The following GDPD5 variants were observed in gnomAD, a reference collection of about 807,000 sequenced individuals.
GDPD5 encodes glycerophosphodiester phosphodiesterase domain containing 5, also known as glycerophosphodiester phosphodiesterase 2.
A neutral mutation model predicts 75.1 loss-of-function variants in GDPD5; 48 were observed. The observed-to-expected ratio is 0.64, with a 90% CI of 0.51 to 0.81. GDPD5 has a LOEUF of 0.81. GDPD5 is among the 40% of genes least tolerant of loss of function. The pLI, the probability that GDPD5 is intolerant of heterozygous loss-of-function variation, is 0.00. For synonymous variants in GDPD5, 336 were observed against 339.0 expected, an observed-to-expected ratio of 0.99 and a Z score of 0.10; for missense variants, 706 against 822.6, an observed-to-expected ratio of 0.86 and a Z score of 1.73.
Position 75,443,283 on chromosome 11 carries a change from C to T in GDPD5, c.801G>A (p.Leu267=). The change falls in exon 11 of 17, where the codon CTG becomes CTA. Residue 267 remains leucine (L), a synonymous_variant. Transcript: ENST00000336898. ...CATGCATGAGGAAGGGCACGCCGTCCAGGCTGCAGGGAGGGTGGGGCCACC... is the reference window on the plus strand; with the variant it reads ...CATGCATGAGGAAGGGCACGCCGTCTAGGCTGCAGGGAGGGTGGGGCCACC... ...YGLQADITIS[L]DGVPFLMHDT... 1 of 1,606,820 alleles carries T rather than the reference C, an allele frequency of 6.2e-7. No homozygotes were observed. Among genetic ancestry groups the T allele is most frequent in the Non-Finnish European group, 8.5e-7 (1 of 1,177,756 alleles).
intron 3 of GDPD5, among the ~76,000 whole-genome samples, chr11:75,465,693 G>A (rs952593893): frequency 5.3e-5 from 8 of 152,208 alleles, no homozygotes; most frequent in African/African-American, 1.2e-4. Flanking sequence ...TAGAGCCCAC[G>A]CTGGCAGTGT....
intron 2 of GDPD5, among the ~76,000 whole-genome samples, chr11:75,483,440 T>C (rs499613): frequency 0.69 from 104,800 of 151,990 alleles, 36,704 homozygotes; most frequent in East Asian, 0.96. Flanking sequence ...CGGGACGCAC[T>C]GGCCTGCTCC....
intron 2 of GDPD5, among the ~76,000 whole-genome samples, chr11:75,486,812 G>C (rs1167820616): frequency 6.6e-6 from 1 of 152,140 alleles, no homozygotes; most frequent in African/African-American, 2.4e-5. Flanking sequence ...CCAGGAGATG[G>C]TGAGATCTAT....
At chr11:75,440,097 G>T (rs1002323781) in intron 14 of GDPD5, 136 bp from the exon 15 acceptor site, 1 of 639,430 alleles carries the variant, frequency 1.6e-6, no homozygotes, top group Non-Finnish European at 2.7e-6. Context: ...AGGGTCTGGG[G>T]GCTGAAGATG....
chr11:75,443,772 A>G (rs1303659083), intron 10 of GDPD5, among the ~76,000 whole-genome samples: 3 of 152,194 alleles, frequency 2.0e-5, no homozygotes, highest in Non-Finnish European at 2.9e-5. Context: ...AGGGTTGCAA[A>G]TAGCTCATAT....
chr11:75,471,907 T>C (rs1482442403), intron 3 of GDPD5, among the ~76,000 whole-genome samples: 1 of 152,106 alleles, frequency 6.6e-6, no homozygotes. Context: ...TGTAATAATA[T>C]CATCTCCTAG....
chr11:75,473,292 T>C (rs1213010300), intron 3 of GDPD5, among the ~76,000 whole-genome samples: 1 of 152,038 alleles, frequency 6.6e-6, no homozygotes, highest in Non-Finnish European at 1.5e-5. Context: ...TGGACTCTAC[T>C]GAGAACGCTG....
At chr11:75,482,392 C>T (rs1949937600) in intron 2 of GDPD5, among the ~76,000 whole-genome samples, 1 of 152,162 alleles carries the variant, frequency 6.6e-6, no homozygotes, top group African/African-American at 2.4e-5. Context: ...CCAGGTGCTG[C>T]CAAGGCCACC....
chr11:75,482,767 G>A lies in GDPD5; in HGVS notation c.-60-4972C>T, dbSNP rs1008819208. Among the ~76,000 whole-genome samples the A allele has an allele frequency of 2.0e-5, 3 of 152,160 alleles. No individual in the cohort carries two copies. The East Asian group carries it at 5.8e-4, about 29-fold the overall frequency. On this transcript the variant is annotated intron_variant, in intron 2 of 16. Transcript: ENST00000336898. ...GATGTTCCCTCCTCCATGGAGGCCC[G>A]GTTTGGTTAGAGGTCTCCCCAGCCT...
rs1948641310 is a variant in GDPD5, at chr11:75,436,959, A to T, written c.1646T>A (p.Met549Lys). The T allele has an allele frequency of 6.2e-7, 1 of 1,613,608 alleles. No homozygotes were observed. The highest frequency in any genetic ancestry group is 8.5e-7 in the Non-Finnish European group (1 of 1,179,976). ...ACCTGAGAAAATAAGCTTCTCCTTCATGATGCTGACGTCCCGGCTGGTCCG... is the reference window on the plus strand; with the variant it reads ...ACCTGAGAAAATAAGCTTCTCCTTCTTGATGCTGACGTCCCGGCTGGTCCG... ...VRRTSRDVSI[M>K]KEKLIFSEIS... Residue 549 changes from methionine (M) to lysine (K), a missense_variant, in exon 16 of 17, where the codon ATG becomes AAG. Physicochemically the swap from Met to Lys is moderately conservative, Grantham distance 95 (BLOSUM62 -1). Transcript: ENST00000336898.
intron 1 of GDPD5, among the ~76,000 whole-genome samples, chr11:75,519,746 GC>G (rs1183320381): frequency 2.6e-5 from 4 of 152,192 alleles, no homozygotes; most frequent in African/African-American, 9.7e-5. Context: ...GATGGGACCG[GC>G]CCCTGCCTCA....
At chr11:75,466,742 G>A (rs555628615) in intron 3 of GDPD5, among the ~76,000 whole-genome samples, 83 of 152,300 alleles carry the variant, frequency 5.4e-4, no homozygotes, top group African/African-American at 1.8e-3. Flanking sequence ...ATATTATGAC[G>A]ATTTGCTGGC....
At chr11:75,457,191 T>C (rs1949303167) in intron 5 of GDPD5, among the ~76,000 whole-genome samples, 1 of 152,198 alleles carries the variant, frequency 6.6e-6, no homozygotes, top group Admixed American at 6.5e-5. Context: ...GCATGGGGGA[T>C]CCACCTGCAT....
intron 3 of GDPD5, among the ~76,000 whole-genome samples, chr11:75,468,669 CT>C (rs1413614233): frequency 1.3e-5 from 2 of 151,842 alleles, no homozygotes; most frequent in Admixed American, 6.6e-5. Context: ...AGTTACTGCC[CT>C]CCCCCGACGC....
At position 75,435,574 on chromosome 11, in the gene GDPD5, G is replaced by A. The variant is rs1565175143; in HGVS notation, c.1751C>T (p.Ala584Val). 6.2e-7 allele frequency: 1 copy of A among 1,613,570 alleles called. No individual in the cohort carries two copies. Among genetic ancestry groups the A allele is most frequent in the Non-Finnish European group, 8.5e-7 (1 of 1,179,794 alleles). ...ACCCCCTCGGGGGCCCACAGGGGTG[G>A]CGGTGCTGTTGGCATATGTGTCATA... Reference protein sequence around the residue: ...NSYDTYANSTATPVGPRGGGS... With the variant: ...NSYDTYANSTVTPVGPRGGGS... The change falls in exon 17 of 17, where the codon GCC becomes GTC. Residue 584 changes from alanine to valine, a missense_variant. By Grantham distance (64) the Ala-to-Val change is moderately conservative. Transcript: ENST00000336898.
chr11:75,443,421 C>A, intron 10 of GDPD5, 135 bp from the exon 11 acceptor site: 1 of 1,015,342 alleles, frequency 9.8e-7, no homozygotes, highest in Non-Finnish European at 1.4e-6. Context: ...GGGCCTCAGT[C>A]TCCCCATCTG....
In GDPD5 at chr11:75,458,783, C is replaced by T. The variant is rs1949349160; in HGVS notation, c.222-997G>A. Among the ~76,000 whole-genome samples the T allele has an allele frequency of 6.6e-5, 10 of 152,178 alleles. No homozygotes were observed. In the South Asian group the frequency reaches 2.1e-3, roughly 32 times the overall value. On this transcript the variant is annotated intron_variant, in intron 4 of 16. Coordinates refer to ENST00000336898, the MANE Select transcript of GDPD5 (RefSeq NM_030792.8). ...GCATGGTAACTACTCAATAAACTCT[C>T]TTTGTTTTTGTTTGTTTGTTTGAGA... is the stretch of plus-strand genomic sequence containing the variant.
intron 1 of GDPD5, among the ~76,000 whole-genome samples, chr11:75,520,783 GGGA>G (rs2135515546): frequency 6.6e-6 from 1 of 152,376 alleles, no homozygotes; most frequent in East Asian, 1.9e-4. Context: ...AGGGGGCAAA[GGGA>G]GGAGAAGCTG....
chr11:75,496,866 C>T (rs1304184054), intron 1 of GDPD5, among the ~76,000 whole-genome samples: 2 of 143,948 alleles, frequency 1.4e-5, no homozygotes, highest in East Asian at 2.2e-4. Context: ...CTGCAACCTC[C>T]GCCTCCCAGG....
Sources: allele counts gnomAD v4.1 joint callset (sites outside exome capture counted in the v4.1 genomes callset), GRCh38; gene constraint gnomAD v4.1.1; transcripts MANE v1.5; gene names NCBI Gene and HGNC (gene_info 2026-07-23, HGNC 2026-07-21).